SLC45A4: variants seen among roughly 807,000 people sequenced by gnomAD.
SLC45A4 encodes polyamine-transporter SLC45A4.
In SLC45A4, 32 loss-of-function variants were observed where a neutral mutation model predicts 63.7. The ratio of observed to expected loss-of-function variants is 0.50; its 90% confidence interval spans 0.38 to 0.67. The LOEUF is 0.67. Among genes scored for constraint, SLC45A4 ranks in the 30% least tolerant of loss-of-function variants. The pLI is 0.00. For missense variants in SLC45A4, 1,027 were observed against 1,157.7 expected (o/e 0.89, Z 1.64); for synonymous variants, 535 against 510.0 (o/e 1.05, Z -0.66).
intron 1 of SLC45A4, among the ~76,000 whole-genome samples, chr8:141,300,259 G>T (rs1362090257): frequency 2.0e-5 from 3 of 152,180 alleles, no homozygotes; most frequent in African/African-American, 7.2e-5. Flanking sequence ...GAGACCCCAG[G>T]TCCGTCAAAT....
intron 1 of SLC45A4, among the ~76,000 whole-genome samples, chr8:141,281,509 C>G (rs1271737651): frequency 1.3e-5 from 2 of 152,210 alleles, no homozygotes; most frequent in Non-Finnish European, 1.5e-5. Context: ...AGAGCGGTTG[C>G]TAATGGCCTT....
chr8:141,245,206 G>A (rs1828127901), intron 2 of SLC45A4, among the ~76,000 whole-genome samples: 2 of 152,174 alleles, frequency 1.3e-5, no homozygotes, highest in South Asian at 4.1e-4. Context: ...CAGAAGAAAG[G>A]AGATGCTGGT....
chr8:141,253,570 CAG>C (rs2154614689), intron 2 of SLC45A4, among the ~76,000 whole-genome samples: 1 of 152,288 alleles, frequency 6.6e-6, no homozygotes, highest in African/African-American at 2.4e-5. Flanking sequence ...CACAAAGAAT[CAG>C]AGTGTGGCAC....
In SLC45A4 at chr8:141,212,239, C is replaced by T. The variant is rs114152576; in HGVS notation, c.2259G>A (p.Thr753=). 2,103 of 1,562,960 alleles carry T rather than the reference C, an allele frequency of 1.3e-3. 28 individuals carry two copies. The African/African-American group carries it at 0.026, about 19-fold the overall frequency. ...CCGGTCCCTGCAGGCCCTCCTTCCG[C>T]GTGAGCTTCAGCACGGTGGGCTTTT... The part of the protein sequence containing the change: ...NSEKPTVLKL[T]RKEGLQGPVE... Residue 753 remains threonine (T), a synonymous_variant, in exon 8 of 9, where the codon ACG becomes ACA. Coordinates refer to ENST00000517878, the MANE Select transcript of SLC45A4 (RefSeq NM_001286646.2).
chr8:141,230,190 G>A, intron 2 of SLC45A4: 1 of 452,310 alleles, frequency 2.2e-6, no homozygotes, highest in South Asian at 1.6e-5. Flanking sequence ...AAGAAGCACA[G>A]GCCTCTGTTT....
At chr8:141,281,136 C>T (rs536139653) in intron 1 of SLC45A4, among the ~76,000 whole-genome samples, 1 of 152,162 alleles carries the variant, frequency 6.6e-6, no homozygotes, top group South Asian at 2.1e-4. Flanking sequence ...GTCAGAAGTT[C>T]GAGACCAGCC....
intron 2 of SLC45A4, among the ~76,000 whole-genome samples, chr8:141,247,659 G>A (rs368653604): frequency 6.6e-5 from 10 of 152,136 alleles, no homozygotes; most frequent in South Asian, 2.1e-4. Flanking sequence ...CAATCTTCCC[G>A]CCTTGGCTTC....
At chr8:141,219,277 T>C (rs1369788557) in intron 4 of SLC45A4, among the ~76,000 whole-genome samples, 1 of 152,252 alleles carries the variant, frequency 6.6e-6, no homozygotes, top group Admixed American at 6.5e-5. Context: ...CGGATGCAAG[T>C]GTGCGCCTCT....
chr8:141,230,552 G>A (rs1019161326), intron 2 of SLC45A4, among the ~76,000 whole-genome samples: 2 of 152,252 alleles, frequency 1.3e-5, no homozygotes, highest in African/African-American at 4.8e-5. Flanking sequence ...GATGGGGTAA[G>A]CAGCGGGGGA....
chr8:141,256,827 G>T lies in SLC45A4; in HGVS notation c.-400-2198C>A. ...AGAGTTTCCAAACTGTCACCTTACT[G>T]CAATATTTTTTCAAAAAACTGTGTA... On this transcript the variant is annotated intron_variant, in intron 1 of 8. Coordinates refer to ENST00000517878, the MANE Select transcript of SLC45A4 (RefSeq NM_001286646.2). The surrounding 1 kb of genome is among the most constrained non-coding windows in gnomAD (Gnocchi z 4.3). 2 of 332,218 alleles carry T rather than the reference G, an allele frequency of 6.0e-6. No homozygotes were observed. Among genetic ancestry groups the T allele is most frequent in the South Asian group, 2.3e-5 (1 of 42,630 alleles). 20.6% of individuals were successfully genotyped at this position (332,218 alleles called of 1,614,324 possible). A position where few individuals can be genotyped will look rare whatever the true frequency, so the allele number is the denominator to read the frequency against.
intron 1 of SLC45A4, among the ~76,000 whole-genome samples, chr8:141,287,538 C>A (rs1235568832): frequency 6.6e-6 from 1 of 152,238 alleles, no homozygotes; most frequent in Non-Finnish European, 1.5e-5. Context: ...CTTCTGGCCT[C>A]CTTGGCTGAC....
chr8:141,219,894 A>G, intron 3 of SLC45A4, 65 bp from the exon 4 acceptor site: 1 of 1,433,744 alleles, frequency 7.0e-7, no homozygotes, highest in South Asian at 1.4e-5. Context: ...CCTGATAGCA[A>G]ACAGCCACAT....
intron 1 of SLC45A4, among the ~76,000 whole-genome samples, chr8:141,292,354 G>C (rs372878569): frequency 7.9e-5 from 12 of 152,348 alleles, no homozygotes; most frequent in African/African-American, 2.9e-4. Context: ...ACAGACTTCT[G>C]CTCCCTCCCC....
intron 1 of SLC45A4, among the ~76,000 whole-genome samples, chr8:141,270,255 G>A (rs992794275): frequency 4.1e-4 from 62 of 151,822 alleles, no homozygotes; most frequent in African/African-American, 1.5e-3. Flanking sequence ...ACCAGGGGGC[G>A]GTGGCTCACC....
Position 141,218,216 on chromosome 8 carries a change from C to T in SLC45A4, c.1424G>A (p.Gly475Glu), listed in dbSNP as rs780183871. ...QRQHRHRNQS[G>E]ATTSSGDTES... ...GGTGTCCCCGCTGGAGGTGGTGGCC[C>T]CGCTCTGGTTCCGGTGCCGGTGCTG... The change falls in exon 5 of 9, where the codon GGG (glycine) becomes GAG (glutamate). Residue 475 changes from glycine (G) to glutamate (E), a missense_variant. Physicochemically the swap from Gly to Glu is moderately conservative, Grantham distance 98. Transcript: ENST00000517878. 1.1e-5 allele frequency: 17 copies of T among 1,602,634 alleles called. No homozygotes were observed. In the South Asian group the frequency reaches 1.9e-4, roughly 18 times the overall value.
At chr8:141,247,663 T>C (rs1828282730) in intron 2 of SLC45A4, among the ~76,000 whole-genome samples, 1 of 152,312 alleles carries the variant, frequency 6.6e-6, no homozygotes, top group Middle Eastern at 3.4e-3. Flanking sequence ...CTTCCCGCCT[T>C]GGCTTCCCAA....
chr8:141,212,467 C>G lies in SLC45A4; in HGVS notation c.2031G>C (p.Leu677=). 6.2e-7 allele frequency: 1 copy of G among 1,613,900 alleles called. No individual in the cohort carries two copies. Among genetic ancestry groups the G allele is most frequent in the African/African-American group, 1.3e-5 (1 of 75,038 alleles). ...CCACGCCCCCAAGGGCAGAGGCCAC[C>G]AGGATCTGCGAGATGTACACTTGGC... ...LSCQVYISQI[L]VASALGGVVD... The change falls in exon 8 of 9, where the codon CTG becomes CTC. Residue 677 remains leucine, a synonymous_variant. Coordinates refer to ENST00000517878, the MANE Select transcript of SLC45A4 (RefSeq NM_001286646.2).
At chr8:141,240,477 A>G (rs1229655530) in intron 2 of SLC45A4, among the ~76,000 whole-genome samples, 2 of 152,214 alleles carry the variant, frequency 1.3e-5, no homozygotes, top group East Asian at 3.9e-4. Flanking sequence ...GGGTGCTCCA[A>G]CGGAGCTGAG....
chr8:141,213,913 C>A (rs1347752237), intron 7 of SLC45A4, among the ~76,000 whole-genome samples: 1 of 152,116 alleles, frequency 6.6e-6, no homozygotes, highest in African/African-American at 2.4e-5. Flanking sequence ...CAAATTAAAG[C>A]ATCATACTCT....
Sources: gnomAD v4.1 joint callset for allele counts (sites outside exome capture counted in the v4.1 genomes callset) on GRCh38, gnomAD v4.1.1 for gene constraint, Gnocchi (gnomAD v3.1) non-coding constraint, MANE v1.5 for transcripts, NCBI Gene and HGNC (gene_info 2026-07-23, HGNC 2026-07-21) for gene names.